EPHB1: variants seen among roughly 807,000 people sequenced by gnomAD.
EPHB1 encodes ephrin type-B receptor 1.
Under a neutral mutation model 94.4 loss-of-function variants are expected in EPHB1, and 30 were observed. The observed-to-expected ratio is 0.32, with a 90% confidence interval of 0.24 to 0.43. The LOEUF (loss-of-function observed/expected upper bound fraction) is 0.43, where lower values mean the gene tolerates loss of function less well. Ranked by LOEUF, EPHB1 falls within the 20% of genes least tolerant of loss-of-function variation. The probability of loss-of-function intolerance (pLI) is 1.00; values close to 1 mark genes in which losing one functional copy is unlikely to be tolerated. For synonymous variants in EPHB1, 522 were observed against 489.1 expected, an observed-to-expected ratio of 1.07 and a Z score of -0.89; for missense variants, 1,055 against 1,308.3, an observed-to-expected ratio of 0.81 and a Z score of 2.99.
chr3:134,913,930 G>T (rs1172205727), intron 1 of EPHB1, among the ~76,000 whole-genome samples: 2 of 152,214 alleles, frequency 1.3e-5, no homozygotes, highest in African/African-American at 4.8e-5. Flanking sequence ...CCCAGTTGGG[G>T]CCACACAGGA....
intron 15 of EPHB1, among the ~76,000 whole-genome samples, chr3:135,251,832 C>T (rs112939592): frequency 0.023 from 3,436 of 152,244 alleles, 134 homozygotes; most frequent in African/African-American, 0.076. Flanking sequence ...AAGCAATCAG[C>T]TGTGCTGGGT....
intron 1 of EPHB1, among the ~76,000 whole-genome samples, chr3:134,864,853 C>T (rs2037339792): frequency 6.6e-6 from 1 of 152,228 alleles, no homozygotes; most frequent in South Asian, 2.1e-4. Context: ...ATACAGTCCA[C>T]AGGGCTGTCC....
chr3:134,815,353 G>A (rs1030200822), intron 1 of EPHB1, among the ~76,000 whole-genome samples: 6 of 151,810 alleles, frequency 4.0e-5, no homozygotes, highest in Non-Finnish European at 5.9e-5. Flanking sequence ...GGCTCAAGGA[G>A]GAAAATAAAC....
Position 134,951,907 on chromosome 3 carries a change from T to C in EPHB1, c.660T>C (p.Ile220=), listed in dbSNP as rs1259207669. ...MTGAESTSLV[I]ARGTCIPNAE... ...GGGCAGAGAGCACATCTCTGGTGAT[T>C]GCTCGGGGCACATGCATCCCCAACG... is the stretch of plus-strand genomic sequence containing the variant. The change falls in exon 3 of 16, where the codon ATT becomes ATC. Residue 220 remains isoleucine, a synonymous_variant. Transcript: ENST00000398015. The surrounding 1 kb of genome is among the most constrained non-coding windows in gnomAD (Gnocchi z 4.5). 9 of 1,614,038 alleles carry C rather than the reference T, an allele frequency of 5.6e-6. No homozygotes were observed. Among genetic ancestry groups the C allele is most frequent in the Non-Finnish European group, 7.6e-6 (9 of 1,179,902 alleles).
At chr3:134,817,965 C>T (rs2036301527) in intron 1 of EPHB1, among the ~76,000 whole-genome samples, 1 of 152,192 alleles carries the variant, frequency 6.6e-6, no homozygotes, top group Non-Finnish European at 1.5e-5. Flanking sequence ...GGTCCTGTGC[C>T]TATGTTCCTA....
At chr3:135,005,489 G>T (rs1300963175) in intron 3 of EPHB1, among the ~76,000 whole-genome samples, 1 of 152,226 alleles carries the variant, frequency 6.6e-6, no homozygotes, top group Non-Finnish European at 1.5e-5. Context: ...GCTCCACCCA[G>T]TTAGAGCTTC....
intron 12 of EPHB1, among the ~76,000 whole-genome samples, chr3:135,218,872 G>A (rs1303754386): frequency 6.6e-6 from 1 of 152,228 alleles, no homozygotes; most frequent in African/African-American, 2.4e-5. Flanking sequence ...AGACCCTGAA[G>A]AAGGAACACC....
chr3:135,140,433 G>A (rs373373750), intron 5 of EPHB1, among the ~76,000 whole-genome samples: 76 of 152,296 alleles, frequency 5.0e-4, no homozygotes, highest in African/African-American at 1.7e-3. Flanking sequence ...ATCAATAAAC[G>A]TTCATTGAAT....
intron 3 of EPHB1, among the ~76,000 whole-genome samples, chr3:135,024,562 C>G (rs999289547): frequency 1.3e-5 from 2 of 152,212 alleles, no homozygotes; most frequent in African/African-American, 4.8e-5. Flanking sequence ...CCCTTTTCAT[C>G]TGGTCTCCAT....
intron 12 of EPHB1, among the ~76,000 whole-genome samples, chr3:135,221,796 C>T (rs140427290): frequency 8.9e-4 from 135 of 152,220 alleles, no homozygotes; most frequent in African/African-American, 3.2e-3. Flanking sequence ...TTTTGAAATT[C>T]TTTAAGTAAA....
intron 10 of EPHB1, among the ~76,000 whole-genome samples, chr3:135,182,958 C>T (rs938748550): frequency 1.0e-4 from 15 of 149,602 alleles, no homozygotes; most frequent in East Asian, 5.9e-4. Context: ...TTTGTTCTTT[C>T]GTTTCTTTTC....
At chr3:135,181,064 G>A (rs1393522824) in intron 10 of EPHB1, among the ~76,000 whole-genome samples, 1 of 152,140 alleles carries the variant, frequency 6.6e-6, no homozygotes, top group African/African-American at 2.4e-5. Context: ...TATCTTTAGG[G>A]GGAATGTCAC....
At chr3:135,115,039 C>G (rs992254811) in intron 4 of EPHB1, among the ~76,000 whole-genome samples, 1 of 152,210 alleles carries the variant, frequency 6.6e-6, no homozygotes. Context: ...AGAATGTTGA[C>G]TGGCCTGACT....
chr3:134,984,292 G>C (rs1934515397), intron 3 of EPHB1, among the ~76,000 whole-genome samples: 1 of 152,096 alleles, frequency 6.6e-6, no homozygotes, highest in South Asian at 2.1e-4. Context: ...CTCCACTGCA[G>C]CTCGGCCGTC....
chr3:135,179,944 A>G lies in EPHB1; in HGVS notation c.1844A>G (p.Asp615Gly). Reference protein sequence around the residue: ...EAVREFAKEIDVSFVKIEEVI... With the variant: ...EAVREFAKEIGVSFVKIEEVI... ...GTCCGGGAGTTTGCCAAGGAGATTG[A>G]TGTATCTTTTGTGAAAATTGAAGAG... is the stretch of plus-strand genomic sequence containing the variant. The change falls in exon 10 of 16, where the codon GAT (aspartate) becomes GGT (glycine). Residue 615 changes from aspartate (D) to glycine (G), a missense_variant. By Grantham distance (94) the Asp-to-Gly change is moderately conservative (BLOSUM62 -1). Coordinates refer to ENST00000398015, the MANE Select transcript of EPHB1 (RefSeq NM_004441.5). 1 of 1,613,952 alleles carries G rather than the reference A, an allele frequency of 6.2e-7. No individual in the cohort carries two copies. Among genetic ancestry groups the G allele is most frequent in the South Asian group, 1.1e-5 (1 of 91,082 alleles).
At chr3:135,000,749 T>G (rs112927534) in intron 3 of EPHB1, among the ~76,000 whole-genome samples, 15 of 152,284 alleles carry the variant, frequency 9.9e-5, no homozygotes, top group African/African-American at 3.4e-4. Flanking sequence ...CACACATTTG[T>G]TATAATTTGC....
At chr3:134,817,318 A>G (rs1300411515) in intron 1 of EPHB1, among the ~76,000 whole-genome samples, 2 of 152,128 alleles carry the variant, frequency 1.3e-5, no homozygotes, top group African/African-American at 4.8e-5. Context: ...ATTGCCTGCA[A>G]TTCTAGTCGT....
chr3:135,024,427 A>G (rs1202561526), intron 3 of EPHB1, among the ~76,000 whole-genome samples: 2 of 152,204 alleles, frequency 1.3e-5, no homozygotes, highest in African/African-American at 4.8e-5. Context: ...GGAAGTTCCA[A>G]CTAATCTGCT....
At chr3:134,895,454 G>A (rs1390179370) in intron 1 of EPHB1, among the ~76,000 whole-genome samples, 2 of 152,202 alleles carry the variant, frequency 1.3e-5, no homozygotes, top group Non-Finnish European at 2.9e-5. Context: ...AAGATGAGCT[G>A]GGAGAGAATC....
Sources: allele counts gnomAD v4.1 joint callset (sites outside exome capture counted in the v4.1 genomes callset), GRCh38; gene constraint gnomAD v4.1.1; non-coding constraint Gnocchi (gnomAD v3.1); transcripts MANE v1.5; gene names NCBI Gene and HGNC (gene_info 2026-07-23, HGNC 2026-07-21).